The following RAPGEF2 variants were observed in gnomAD, a reference collection of about 807,000 sequenced individuals.
RAPGEF2 encodes PDZ domain containing guanine nucleotide exchange factor (GEF) 1.
A neutral mutation model predicts 186.7 loss-of-function variants in RAPGEF2; 54 were observed. The ratio of observed to expected loss-of-function variants is 0.29; its 90% CI spans 0.23 to 0.36. RAPGEF2 has a LOEUF of 0.36. Ranked by LOEUF, RAPGEF2 falls within the 10% of genes least tolerant of loss-of-function variation. RAPGEF2 has a pLI of 1.00. For synonymous variants in RAPGEF2, 712 were observed against 705.9 expected, an observed-to-expected ratio of 1.01 and a Z score of -0.14; for missense variants, 1,532 against 2,045.0, an observed-to-expected ratio of 0.75 and a Z score of 4.84.
intron 7 of RAPGEF2, among the ~76,000 whole-genome samples, chr4:159,292,713 A>G (rs1401096417): frequency 6.6e-6 from 1 of 152,178 alleles, no homozygotes; most frequent in African/African-American, 2.4e-5. Flanking sequence ...AAATCAAACA[A>G]TCAAGTAGGT....
At chr4:159,113,810 A>G (rs1326674354) in intron 1 of RAPGEF2, among the ~76,000 whole-genome samples, 1 of 151,584 alleles carries the variant, frequency 6.6e-6, no homozygotes, top group Non-Finnish European at 1.5e-5. Flanking sequence ...AGAGCCTAGT[A>G]CCTTTTAAGT....
At chr4:159,333,791 A>G (rs889740096) in intron 17 of RAPGEF2, among the ~76,000 whole-genome samples, 12 of 152,240 alleles carry the variant, frequency 7.9e-5, no homozygotes, top group African/African-American at 2.7e-4. Flanking sequence ...AATGTTAGAT[A>G]ATAACTTTAA....
At chr4:159,247,084 C>T (rs1384391939) in intron 7 of RAPGEF2, among the ~76,000 whole-genome samples, 2 of 152,108 alleles carry the variant, frequency 1.3e-5, no homozygotes, top group Non-Finnish European at 2.9e-5. Flanking sequence ...TACCTGAAGG[C>T]TTGTCTTCAA....
intron 7 of RAPGEF2, among the ~76,000 whole-genome samples, chr4:159,244,144 C>CT (rs1754334178): frequency 6.6e-6 from 1 of 151,426 alleles, no homozygotes; most frequent in South Asian, 2.1e-4. Context: ...ATTTTTTTTC[C>CT]TTTTTATGTG....
intron 9 of RAPGEF2, among the ~76,000 whole-genome samples, chr4:159,320,079 A>C (rs530162217): frequency 6.6e-6 from 1 of 152,292 alleles, no homozygotes; most frequent in East Asian, 1.9e-4. Flanking sequence ...TAGCAACTAC[A>C]AGGGGTGGAA....
At chr4:159,316,490 C>T (rs151048283) in intron 9 of RAPGEF2, among the ~76,000 whole-genome samples, 3 of 152,032 alleles carry the variant, frequency 2.0e-5, no homozygotes, top group Non-Finnish European at 4.4e-5. Context: ...TCCGAAAGGC[C>T]CCAGTGTGTG....
chr4:159,355,661 A>G (rs1042000596), intron 28 of RAPGEF2, among the ~76,000 whole-genome samples, 192 bp from the exon 29 acceptor site: 1 of 152,188 alleles, frequency 6.6e-6, no homozygotes, highest in Non-Finnish European at 1.5e-5. Flanking sequence ...CACAAAGATA[A>G]CATCATTGTG....
intron 7 of RAPGEF2, among the ~76,000 whole-genome samples, chr4:159,265,925 A>C (rs1268243447): frequency 2.0e-5 from 3 of 152,212 alleles, no homozygotes; most frequent in Non-Finnish European, 4.4e-5. Flanking sequence ...TAGATGTAGA[A>C]ATGGCATAAC....
chr4:159,333,137 A>C (rs1766929272), intron 17 of RAPGEF2, among the ~76,000 whole-genome samples: 1 of 151,714 alleles, frequency 6.6e-6, no homozygotes, highest in South Asian at 2.1e-4. Context: ...CTGCCACTGC[A>C]CCCGGCTAAT....
intron 24 of RAPGEF2, among the ~76,000 whole-genome samples, chr4:159,346,530 G>C (rs533085064): frequency 2.0e-5 from 3 of 151,902 alleles, no homozygotes; most frequent in Non-Finnish European, 4.4e-5. Flanking sequence ...TTTTTAATGG[G>C]GTGTTTAATA....
intron 7 of RAPGEF2, among the ~76,000 whole-genome samples, chr4:159,262,337 C>T (rs925881987): frequency 1.3e-5 from 2 of 152,116 alleles, no homozygotes; most frequent in Non-Finnish European, 2.9e-5. Context: ...GAATATATTA[C>T]AGTCAAATTA....
intron 8 of RAPGEF2, among the ~76,000 whole-genome samples, chr4:159,307,928 C>T (rs1293526987): frequency 6.6e-6 from 1 of 152,128 alleles, no homozygotes; most frequent in Non-Finnish European, 1.5e-5. Flanking sequence ...CCAAGATCTC[C>T]CCACTGCACT....
chr4:159,139,789 T>C (rs1287047371), intron 1 of RAPGEF2, among the ~76,000 whole-genome samples: 1 of 152,170 alleles, frequency 6.6e-6, no homozygotes, highest in African/African-American at 2.4e-5. Flanking sequence ...ATAAACAACT[T>C]TTGCATCCTG....
At chr4:159,328,013 A>G (rs1180152357) in intron 11 of RAPGEF2, 1 of 152,114 alleles carries the variant, frequency 6.6e-6, no homozygotes, top group Non-Finnish European at 1.5e-5. Flanking sequence ...TTCATAAAGC[A>G]TTTTTCCCTT....
intron 1 of RAPGEF2, among the ~76,000 whole-genome samples, chr4:159,115,239 CAT>C (rs1464190990): frequency 1.3e-5 from 2 of 152,088 alleles, no homozygotes; most frequent in Admixed American, 6.5e-5. Context: ...GATTAAAAAA[CAT>C]GAGACCTAAC....
intron 1 of RAPGEF2, among the ~76,000 whole-genome samples, chr4:159,177,745 C>T (rs1746589345): frequency 6.6e-6 from 1 of 152,186 alleles, no homozygotes; most frequent in Non-Finnish European, 1.5e-5. Flanking sequence ...GCCCCTTCAC[C>T]ATTTGGGTAT....
chr4:159,277,514 A>G (rs534349658), intron 7 of RAPGEF2, among the ~76,000 whole-genome samples: 1 of 152,318 alleles, frequency 6.6e-6, no homozygotes, highest in South Asian at 2.1e-4. Context: ...GACTTCCACA[A>G]TGGTTGAACT....
chr4:159,137,422 C>A lies in RAPGEF2; in HGVS notation c.69+33191C>A, dbSNP rs144341684. Among the ~76,000 whole-genome samples, 269 of 152,240 alleles carry A rather than the reference C, an allele frequency of 1.8e-3. 2 individuals carry two copies. Among genetic ancestry groups the A allele is most frequent in the African/African-American group, 6.1e-3 (252 of 41,534 alleles). Reference sequence around the variant, plus strand: ...CTGTGTCTCTCCTCTTGTATAAGAACACCAGTCCAACTGGACCAGGGCCCC... The same window carrying A: ...CTGTGTCTCTCCTCTTGTATAAGAAAACCAGTCCAACTGGACCAGGGCCCC... On this transcript the variant is annotated intron_variant, in intron 1 of 29. Transcript: ENST00000691494.
At chr4:159,166,419 G>T (rs1745325043) in intron 1 of RAPGEF2, among the ~76,000 whole-genome samples, 1 of 152,206 alleles carries the variant, frequency 6.6e-6, no homozygotes, top group Non-Finnish European at 1.5e-5. Context: ...GGGGTGAGGG[G>T]TGAGTGCGTC....
Sources: gnomAD v4.1 joint callset for allele counts (sites outside exome capture counted in the v4.1 genomes callset) on GRCh38, gnomAD v4.1.1 for gene constraint, MANE v1.5 for transcripts, NCBI Gene and HGNC (gene_info 2026-07-23, HGNC 2026-07-21) for gene names.